C16orf96: variants seen among roughly 807,000 people sequenced by gnomAD.
C16orf96 encodes the protein uncharacterized protein C16orf96.
C16orf96 carries 108 observed loss-of-function variants against 103.6 expected under a neutral mutation model. The ratio of observed to expected loss-of-function variants is 1.04; its 90% CI spans 0.89 to 1.22. C16orf96 has a LOEUF of 1.22. C16orf96 is among the 50% of genes most tolerant of loss of function. The pLI, the probability that C16orf96 is intolerant of heterozygous loss-of-function variation, is 0.00. For synonymous variants in C16orf96, 566 were observed against 593.5 expected, an observed-to-expected ratio of 0.95 and a Z score of 0.67; for missense variants, 1,586 against 1,464.2, an observed-to-expected ratio of 1.08 and a Z score of -1.36.
At chr16:4,544,921 G>A in the C16orf96 span, among the ~76,000 whole-genome samples, 5 of 152,268 alleles carry the variant, frequency 3.3e-5, no homozygotes, top group East Asian at 1.9e-4. Context: ...AAGATTGAAC[G>A]TAGAGCCACT....
chr16:4,570,068 T>G (rs1011205980), intron 1 of C16orf96, among the ~76,000 whole-genome samples: 5 of 152,054 alleles, frequency 3.3e-5, no homozygotes, highest in East Asian at 3.9e-4. Flanking sequence ...GCGGCACGTT[T>G]AAAGCCAGGG....
intron 14 of C16orf96, among the ~76,000 whole-genome samples, chr16:4,596,193 C>T (rs574552500): frequency 3.3e-5 from 5 of 152,210 alleles, no homozygotes; most frequent in African/African-American, 1.2e-4. Context: ...CCATGTAGCA[C>T]GCCGTCCCAT....
At chr16:4,578,620 T>C (rs2059542725) in intron 5 of C16orf96, among the ~76,000 whole-genome samples, 1 of 151,752 alleles carries the variant, frequency 6.6e-6, no homozygotes. Flanking sequence ...TAGCTGGGCG[T>C]GGTGGCGTGT....
the C16orf96 span, among the ~76,000 whole-genome samples, chr16:4,549,921 G>A: frequency 2.0e-5 from 3 of 152,204 alleles, no homozygotes; most frequent in East Asian, 1.9e-4. Flanking sequence ...AGATGTTGGC[G>A]CTGTGCTTTG....
intron 2 of C16orf96, among the ~76,000 whole-genome samples, chr16:4,574,224 T>A (rs1194773729): frequency 6.6e-6 from 1 of 151,654 alleles, no homozygotes; most frequent in Non-Finnish European, 1.5e-5. Context: ...TATTTATTTA[T>A]TTATTTACTT....
chr16:4,572,652 C>T (rs1241215180), intron 2 of C16orf96, among the ~76,000 whole-genome samples: 3 of 152,124 alleles, frequency 2.0e-5, no homozygotes, highest in Non-Finnish European at 4.4e-5. Context: ...CATTCTCAGG[C>T]AGGTGCTCCT....
chr16:4,591,994 C>A (rs1055922361), intron 10 of C16orf96, among the ~76,000 whole-genome samples: 2 of 152,190 alleles, frequency 1.3e-5, no homozygotes, highest in South Asian at 2.1e-4. Context: ...GAAACCAAGG[C>A]TCAGAGAGGG....
At chr16:4,547,689 C>CTTTCTTTCTTTCTTTCTTTCT in the C16orf96 span, among the ~76,000 whole-genome samples, 15 of 22,590 alleles carry the variant, frequency 6.6e-4, no homozygotes, top group African/African-American at 1.5e-3. Flanking sequence ...TCCTTCCTTC[C>CTTTCTTTCTTTCTTTCTTTCT]TTCTTTCTTT....
upstream of C16orf96, among the ~76,000 whole-genome samples, chr16:4,552,669 C>T (rs187968479): frequency 6.6e-6 from 1 of 152,074 alleles, no homozygotes; most frequent in East Asian, 1.9e-4. Flanking sequence ...TATGTCAATT[C>T]CTGGTGGGTT....
intron 1 of C16orf96, chr16:4,560,553 A>G (rs1362629540): frequency 6.6e-6 from 1 of 152,104 alleles, no homozygotes; most frequent in East Asian, 1.9e-4. Context: ...CACAAAAAAA[A>G]GCAGAGATTG....
chr16:4,578,059 A>G (rs1383997672), intron 5 of C16orf96, among the ~76,000 whole-genome samples: 1 of 151,348 alleles, frequency 6.6e-6, no homozygotes, highest in Non-Finnish European at 1.5e-5. Flanking sequence ...GCACTGGGTT[A>G]TGATCGTGCC....
rs1177973386 is a variant in C16orf96 at position 4,591,722 on chromosome 16, C to T, written c.2649C>T (p.Ile883=). Residue 883 remains isoleucine, a synonymous_variant, in exon 10 of 16, where the codon ATC becomes ATT. Coordinates refer to ENST00000444310, the MANE Select transcript of C16orf96 (RefSeq NM_001145011.2). ...AAGAAATGGAAGAGGTCTGGAAAAT[C>T]GTCCGGAAGCTGCTGATTGAGGGCT... The part of the protein sequence containing the change: ...LKKEMEEVWK[I]VRKLLIEGLR... The T allele has an allele frequency of 4.5e-6, 7 of 1,551,548 alleles. No individual in the cohort carries two copies. The highest frequency in any genetic ancestry group is 3.6e-5 in the South Asian group (3 of 84,068).
chr16:4,546,932 G>A, the C16orf96 span, among the ~76,000 whole-genome samples: 3 of 152,026 alleles, frequency 2.0e-5, no homozygotes, highest in Admixed American at 6.6e-5. Flanking sequence ...AGTGAAAGAA[G>A]CCATCCATTT....
At chr16:4,544,743 C>A in the C16orf96 span, among the ~76,000 whole-genome samples, 2 of 152,182 alleles carry the variant, frequency 1.3e-5, no homozygotes, top group African/African-American at 4.8e-5. Context: ...ACAGCCAGCC[C>A]TCAGACCAAT....
intron 14 of C16orf96, among the ~76,000 whole-genome samples, chr16:4,598,300 A>T (rs1279455009): frequency 6.6e-6 from 1 of 152,172 alleles, no homozygotes; most frequent in Non-Finnish European, 1.5e-5. Flanking sequence ...GCAGTGAGCC[A>T]TGATTGCGCC....
At chr16:4,545,524 G>C in the C16orf96 span, among the ~76,000 whole-genome samples, 1 of 152,142 alleles carries the variant, frequency 6.6e-6, no homozygotes, top group African/African-American at 2.4e-5. Context: ...CTGTTAAATT[G>C]ATTTAGCCAG....
chr16:4,578,770 A>T (rs899690152), intron 5 of C16orf96, among the ~76,000 whole-genome samples, 170 bp from the exon 6 acceptor site: 1 of 152,144 alleles, frequency 6.6e-6, no homozygotes, highest in African/African-American at 2.4e-5. Flanking sequence ...AAATAAATTA[A>T]TTAAAAAATA....
intron 7 of C16orf96, among the ~76,000 whole-genome samples, chr16:4,586,067 G>C (rs8059232): frequency 0.96 from 146,130 of 152,068 alleles, 70,463 homozygotes; most frequent in East Asian, 1. Context: ...CGAGACCATC[G>C]TAACCAACAT....
chr16:4,566,110 C>T (rs1009075106), intron 1 of C16orf96, among the ~76,000 whole-genome samples: 1 of 152,208 alleles, frequency 6.6e-6, no homozygotes, highest in African/African-American at 2.4e-5. Flanking sequence ...CCTCCGAAAG[C>T]AGTCGGATTA....
Sources: gnomAD v4.1 joint callset for allele counts (sites outside exome capture counted in the v4.1 genomes callset) on GRCh38, gnomAD v4.1.1 for gene constraint, MANE v1.5 for transcripts, NCBI Gene and HGNC (gene_info 2026-07-23, HGNC 2026-07-21) for gene names.